The following CREB5 variants were observed in gnomAD, a reference collection of about 807,000 sequenced individuals.
CREB5 encodes the protein cAMP responsive element binding protein 5.
A neutral mutation model predicts 57.1 loss-of-function variants in CREB5; 19 were observed. The observed-to-expected ratio is 0.33, with a 90% CI of 0.23 to 0.49. The LOEUF (loss-of-function observed/expected upper bound fraction) is 0.49, where lower values mean the gene tolerates loss of function less well. CREB5 is among the 20% of genes least tolerant of loss of function. CREB5 has a pLI of 0.99. For synonymous variants in CREB5, 238 were observed against 238.3 expected (o/e 1.00, Z 0.01); for missense variants, 579 against 671.6 (o/e 0.86, Z 1.52).
At chr7:28,678,441 T>G (rs1183529935) in intron 5 of CREB5, among the ~76,000 whole-genome samples, 1 of 152,160 alleles carries the variant, frequency 6.6e-6, no homozygotes, top group African/African-American at 2.4e-5. Context: ...CTGCATTATT[T>G]ATAAATCATA....
chr7:28,450,837 T>C (rs73297177), intron 1 of CREB5, among the ~76,000 whole-genome samples: 18,040 of 152,190 alleles, frequency 0.12, 1,551 homozygotes, highest in East Asian at 0.28. Flanking sequence ...ATCGGGTGTT[T>C]GGAGTGGTTG....
chr7:28,680,160 C>G (rs60171273), intron 5 of CREB5, among the ~76,000 whole-genome samples: 31,969 of 152,048 alleles, frequency 0.21, 3,681 homozygotes, highest in African/African-American at 0.28. Flanking sequence ...ATTTTGCACC[C>G]TAGGCACCTC....
At chr7:28,514,669 C>CA (rs1792869990) in intron 4 of CREB5, among the ~76,000 whole-genome samples, 1 of 152,206 alleles carries the variant, frequency 6.6e-6, no homozygotes, top group Non-Finnish European at 1.5e-5. Flanking sequence ...GCTGGGATTA[C>CA]AGGCGTGAGC....
chr7:28,728,797 A>T (rs2128750835), intron 7 of CREB5, among the ~76,000 whole-genome samples: 1 of 152,294 alleles, frequency 6.6e-6, no homozygotes, highest in East Asian at 1.9e-4. Context: ...AATGCTGATG[A>T]AGGTGGGGTG....
intron 5 of CREB5, among the ~76,000 whole-genome samples, chr7:28,711,113 T>C (rs1231878830): frequency 6.6e-6 from 1 of 152,192 alleles, no homozygotes; most frequent in Admixed American, 6.5e-5. Context: ...CTTTGTCATG[T>C]TGTGTCACAG....
chr7:28,412,901 T>C lies in CREB5; in HGVS notation c.-14T>C. The C allele has an allele frequency of 6.7e-7, 1 of 1,494,692 alleles. No individual in the cohort carries two copies. Among genetic ancestry groups the C allele is most frequent in the Admixed American group, 2.2e-5 (1 of 45,598 alleles). 92.6% of individuals were successfully genotyped at this position (1,494,692 alleles called of 1,614,324 possible). A position where few individuals can be genotyped will look rare whatever the true frequency, so the allele number is the denominator to read the frequency against. Reference sequence around the variant, plus strand: ...TGCAGGAAGCAACACGTTGCTGCTTTTATTCTACAGATAATGGTAAGGATG... The same window carrying C: ...TGCAGGAAGCAACACGTTGCTGCTTCTATTCTACAGATAATGGTAAGGATG... On this transcript the variant is annotated 5_prime_UTR_variant, in exon 1 of 11. Transcript: ENST00000357727.
rs530758823 is a variant in CREB5 at position 28,822,079 on chromosome 7, A to C, written c.*2800A>C. On this transcript the variant is annotated 3_prime_UTR_variant, in exon 11 of 11. Transcript: ENST00000357727. ...TGACAGTTTGACTGATGTGCATTAT[A>C]TATAGCTCAATTATGTCTGTTTTTT... The C allele has an allele frequency of 2.6e-5, 4 of 152,394 alleles. No individual in the cohort carries two copies. In the East Asian group the frequency reaches 7.7e-4, roughly 29 times the overall value. The allele number at this position is 152,394 out of a possible 1,614,324, so 9.4% of individuals were successfully genotyped here.
At chr7:28,500,392 T>C (rs1439765043) in intron 3 of CREB5, among the ~76,000 whole-genome samples, 2 of 152,200 alleles carry the variant, frequency 1.3e-5, no homozygotes, top group Non-Finnish European at 2.9e-5. Flanking sequence ...TGACTATATC[T>C]TGAGCTGACG....
In CREB5 at chr7:28,818,115, G is replaced by A. The variant is rs763163341; in HGVS notation, c.1299G>A (p.Gln433=). ...MLKNEVAQLK[Q]LLLTHKDCPI... is the part of the protein sequence containing the mutation. The stretch of plus-strand genomic sequence containing the variant: ...AAAATGAGGTGGCCCAGCTGAAACA[G>A]TTGTTGTTAACACATAAAGACTGCC... Residue 433 remains glutamine (Q), a synonymous_variant, in exon 10 of 11, where the codon CAG becomes CAA. Coordinates refer to ENST00000357727, the MANE Select transcript of CREB5 (RefSeq NM_182898.4). The A allele has an allele frequency of 3.1e-6, 5 of 1,613,584 alleles. No homozygotes were observed. Among genetic ancestry groups the A allele is most frequent in the Non-Finnish European group, 4.2e-6 (5 of 1,179,766 alleles).
chr7:28,397,341 A>G (rs1787358237), intron 1 of CREB5, among the ~76,000 whole-genome samples: 1 of 152,182 alleles, frequency 6.6e-6, no homozygotes, highest in African/African-American at 2.4e-5. Context: ...AGAAGGATCT[A>G]TTTGGGGAAA....
intron 1 of CREB5, among the ~76,000 whole-genome samples, chr7:28,404,097 A>C (rs1180562661): frequency 6.6e-6 from 1 of 152,166 alleles, no homozygotes; most frequent in Non-Finnish European, 1.5e-5. Flanking sequence ...AAACAAGCTC[A>C]ACCACCTTTA....
At chr7:28,306,561 T>TTTTTTG (rs1562649550) in intron 1 of CREB5, among the ~76,000 whole-genome samples, 25 of 132,930 alleles carry the variant, frequency 1.9e-4, no homozygotes, top group African/African-American at 7.2e-4. Flanking sequence ...TTTTGTTTTT[T>TTTTTTG]TTTTTTTTTT....
intron 5 of CREB5, among the ~76,000 whole-genome samples, chr7:28,686,480 G>GA (rs5883163): frequency 0.37 from 42,696 of 115,328 alleles, 7,418 homozygotes; most frequent in East Asian, 0.74. Flanking sequence ...GAGGAAAAAA[G>GA]AAAAAAAAAA....
intron 1 of CREB5, among the ~76,000 whole-genome samples, chr7:28,427,066 C>A (rs902982724): frequency 6.6e-6 from 1 of 152,150 alleles, no homozygotes; most frequent in Non-Finnish European, 1.5e-5. Flanking sequence ...TAATTTTAAA[C>A]TCTGTTGCTA....
At chr7:28,353,884 G>A (rs1786288217) in intron 1 of CREB5, among the ~76,000 whole-genome samples, 1 of 150,742 alleles carries the variant, frequency 6.6e-6, no homozygotes, top group Non-Finnish European at 1.5e-5. Flanking sequence ...TAGGAAAACT[G>A]AAAGTAGCTC....
At chr7:28,364,947 T>G (rs1396312728) in intron 1 of CREB5, among the ~76,000 whole-genome samples, 1 of 152,204 alleles carries the variant, frequency 6.6e-6, no homozygotes, top group African/African-American at 2.4e-5. Flanking sequence ...TTTATGAGAC[T>G]GGTACCTGGT....
At chr7:28,379,109 G>A (rs896360368) in intron 1 of CREB5, among the ~76,000 whole-genome samples, 1 of 152,130 alleles carries the variant, frequency 6.6e-6, no homozygotes, top group Non-Finnish European at 1.5e-5. Flanking sequence ...TCTGAAAATT[G>A]GAACAATTGT....
chr7:28,337,829 A>T (rs10274285), intron 1 of CREB5, among the ~76,000 whole-genome samples: 7,482 of 152,064 alleles, frequency 0.049, 596 homozygotes, highest in African/African-American at 0.17. Context: ...CACTGGTGAT[A>T]TGTTTCCATT....
chr7:28,571,182 T>C (rs1223812237), intron 5 of CREB5, among the ~76,000 whole-genome samples: 1 of 152,024 alleles, frequency 6.6e-6, no homozygotes, highest in East Asian at 1.9e-4. Context: ...CAGCATGAAG[T>C]TTCATCATGC....
Sources: gnomAD v4.1 joint callset for allele counts (sites outside exome capture counted in the v4.1 genomes callset) on GRCh38, gnomAD v4.1.1 for gene constraint, MANE v1.5 for transcripts, NCBI Gene and HGNC (gene_info 2026-07-23, HGNC 2026-07-21) for gene names.